The following INPP4B variants were observed in gnomAD, a reference collection of about 807,000 sequenced individuals.
INPP4B encodes inositol polyphosphate 4-phosphatase type II.
A neutral mutation model predicts 122.5 loss-of-function variants in INPP4B; 55 were observed. The ratio of observed to expected loss-of-function variants is 0.45; its 90% confidence interval spans 0.36 to 0.56. The LOEUF is 0.56. INPP4B is among the 20% of genes least tolerant of loss of function. The probability of loss-of-function intolerance (pLI) is 0.00; values close to 1 mark genes in which losing one functional copy is unlikely to be tolerated. For synonymous variants in INPP4B, 403 were observed against 388.7 expected (o/e 1.04, Z -0.43); for missense variants, 1,000 against 1,097.7 (o/e 0.91, Z 1.26).
At position 142,078,192 on chromosome 4, in the gene INPP4B, G is replaced by C. The variant is rs202168360; in HGVS notation, c.2642+3839C>G. Among the ~76,000 whole-genome samples the C allele has an allele frequency of 2.7e-5, 4 of 145,482 alleles. No individual in the cohort carries two copies. In the Admixed American group the frequency reaches 2.8e-4, roughly 10 times the overall value. On this transcript the variant is annotated intron_variant, in intron 25 of 25. Coordinates refer to ENST00000262992, the MANE Select transcript of INPP4B (RefSeq NM_001101669.3). ...GTAATACTGGATAAGTAGAAAAAAA[G>C]GAAGTCTGAATTTTTTGACAATTGT...
chr4:142,332,063 G>A (rs539444943), intron 7 of INPP4B, among the ~76,000 whole-genome samples: 2 of 152,200 alleles, frequency 1.3e-5, no homozygotes, highest in South Asian at 4.1e-4. Flanking sequence ...GCCAATAGAG[G>A]TTTCCTTAAG....
intron 14 of INPP4B, among the ~76,000 whole-genome samples, chr4:142,197,368 CT>C (rs1838781611): frequency 6.6e-6 from 1 of 152,020 alleles, no homozygotes; most frequent in Non-Finnish European, 1.5e-5. Context: ...TTCCACTGCT[CT>C]TTTGCAATCA....
rs185487865 is a variant in INPP4B, at chr4:142,197,516, A to C, written c.1073-4321T>G. 3.9e-3 allele frequency among the ~76,000 whole-genome samples: 587 copies of C among 152,298 alleles called. 2 individuals carry two copies. The highest frequency in any genetic ancestry group is 5.3e-3 in the Non-Finnish European group (362 of 68,020). The stretch of plus-strand genomic sequence containing the variant: ...ATGATAGTTTCTATATTCAAATAAA[A>C]TAATGAATATGGTCATAAAATTGTT... On this transcript the variant is annotated intron_variant, in intron 14 of 25. Transcript: ENST00000262992.
At chr4:142,732,135 T>A (rs1053179367) in intron 1 of INPP4B, among the ~76,000 whole-genome samples, 5 of 152,162 alleles carry the variant, frequency 3.3e-5, no homozygotes, top group African/African-American at 4.8e-5. Context: ...ACTTATGTAG[T>A]ACAGTATCAT....
At chr4:142,482,809 T>C (rs1398697047) in intron 2 of INPP4B, among the ~76,000 whole-genome samples, 1 of 152,120 alleles carries the variant, frequency 6.6e-6, no homozygotes, top group Non-Finnish European at 1.5e-5. Flanking sequence ...CTTTGTCTCA[T>C]AGCATATATT....
At chr4:142,338,221 G>A (rs1777497013) in intron 7 of INPP4B, among the ~76,000 whole-genome samples, 1 of 147,844 alleles carries the variant, frequency 6.8e-6, no homozygotes, top group African/African-American at 2.5e-5. Flanking sequence ...GCCTATCCAA[G>A]TGTACTTGGC....
chr4:142,566,052 G>A (rs967225724), intron 2 of INPP4B: 13 of 151,704 alleles, frequency 8.6e-5, no homozygotes, highest in African/African-American at 2.2e-4. Flanking sequence ...ACTTTACAAC[G>A]TACGTACACT....
chr4:142,647,267 T>G (rs1004147397), intron 2 of INPP4B, among the ~76,000 whole-genome samples: 1 of 152,198 alleles, frequency 6.6e-6, no homozygotes, highest in Non-Finnish European at 1.5e-5. Context: ...ACTGGTTTTT[T>G]ATCATTGTTG....
At chr4:142,318,212 A>T (rs940633313) in intron 7 of INPP4B, among the ~76,000 whole-genome samples, 3 of 152,102 alleles carry the variant, frequency 2.0e-5, no homozygotes, top group Non-Finnish European at 4.4e-5. Context: ...AGTGTGTGAG[A>T]AAGAAATGGG....
chr4:142,044,922 G>A (rs112571197), intron 25 of INPP4B, among the ~76,000 whole-genome samples: 2 of 152,232 alleles, frequency 1.3e-5, no homozygotes, highest in African/African-American at 4.8e-5. Flanking sequence ...TTTAGGAACA[G>A]GATGCAGGGA....
rs144019169 is a variant in INPP4B at position 142,819,104 on chromosome 4, C to T, written c.-254+27105G>A. Among the ~76,000 whole-genome samples the T allele has an allele frequency of 2.0e-4, 31 of 152,234 alleles. No individual in the cohort carries two copies. In the East Asian group the frequency reaches 5.8e-3, roughly 28 times the overall value. Reference sequence around the variant, plus strand: ...ATTTACCCTAGAAGGAAGAGAAGCCCGAACACTTGTATTCCCACCCTTTGG... The same window carrying T: ...ATTTACCCTAGAAGGAAGAGAAGCCTGAACACTTGTATTCCCACCCTTTGG... On this transcript the variant is annotated intron_variant, in intron 1 of 25. Coordinates refer to ENST00000262992, the MANE Select transcript of INPP4B (RefSeq NM_001101669.3).
chr4:142,651,270 G>A (rs1752909105), intron 2 of INPP4B, among the ~76,000 whole-genome samples: 1 of 152,114 alleles, frequency 6.6e-6, no homozygotes. Context: ...GAGAAAGAAG[G>A]AAAGATCTAA....
chr4:142,524,951 C>A (rs1376723779), intron 2 of INPP4B, among the ~76,000 whole-genome samples: 2 of 152,040 alleles, frequency 1.3e-5, no homozygotes, highest in African/African-American at 4.8e-5. Flanking sequence ...TCAAATTCTC[C>A]CTGTTTGCAG....
intron 16 of INPP4B, among the ~76,000 whole-genome samples, chr4:142,161,819 T>A (rs1820257353): frequency 6.6e-6 from 1 of 151,946 alleles, no homozygotes; most frequent in Non-Finnish European, 1.5e-5. Context: ...AAAGTTGACC[T>A]CTTCATTAAT....
At chr4:142,290,157 C>T (rs1755719779) in intron 9 of INPP4B, among the ~76,000 whole-genome samples, 1 of 149,358 alleles carries the variant, frequency 6.7e-6, no homozygotes, top group Non-Finnish European at 1.5e-5. Flanking sequence ...TCTATACCAC[C>T]TGGAACTCAT....
At chr4:142,040,972 T>A (rs540946639) in intron 25 of INPP4B, among the ~76,000 whole-genome samples, 1 of 152,116 alleles carries the variant, frequency 6.6e-6, no homozygotes. Flanking sequence ...AGGAGGTAAA[T>A]TCATCACGAC....
At chr4:142,061,832 ATGCATATATG>A (rs1760790952) in intron 25 of INPP4B, among the ~76,000 whole-genome samples, 4 of 116,916 alleles carry the variant, frequency 3.4e-5, no homozygotes, top group African/African-American at 6.2e-5. Flanking sequence ...TCATATATAA[ATGCATATATG>A]TACATATATA....
At chr4:142,708,055 G>T (rs1430691257) in intron 2 of INPP4B, among the ~76,000 whole-genome samples, 1 of 152,176 alleles carries the variant, frequency 6.6e-6, no homozygotes, top group African/African-American at 2.4e-5. Flanking sequence ...CAAAGAGGTT[G>T]GAGGCATTGT....
chr4:142,259,163 A>G lies in INPP4B; in HGVS notation c.688+1329T>C, dbSNP rs545676053. 6.9e-5 allele frequency among the ~76,000 whole-genome samples: 9 copies of G among 130,694 alleles called. No individual in the cohort carries two copies. The East Asian group carries it at 1.4e-3, about 21-fold the overall frequency. The allele number at this position is 130,694 out of a possible 152,430, so 85.7% of individuals were successfully genotyped here. On this transcript the variant is annotated intron_variant, in intron 11 of 25. Transcript: ENST00000262992. ...GGTGGGAATTGAACAATGAGATCAC[A>G]TGGACACAGGAAGGGGAATATCACA...
Sources: allele counts gnomAD v4.1 joint callset (sites outside exome capture counted in the v4.1 genomes callset), GRCh38; gene constraint gnomAD v4.1.1; transcripts MANE v1.5; gene names NCBI Gene and HGNC (gene_info 2026-07-23, HGNC 2026-07-21).